MACROD2: variants seen among roughly 807,000 people sequenced by gnomAD.
MACROD2 encodes mono-ADP ribosylhydrolase 2, also known as ADP-ribose glycohydrolase MACROD2.
MACROD2 carries 36 observed loss-of-function variants against 70.4 expected under a neutral mutation model. That is an observed-to-expected ratio of 0.51 (90% CI 0.39 to 0.68). The LOEUF (loss-of-function observed/expected upper bound fraction) is 0.68, where lower values mean the gene tolerates loss of function less well. Among genes scored for constraint, MACROD2 ranks in the 30% least tolerant of loss-of-function variants. The pLI, the probability that MACROD2 is intolerant of heterozygous loss-of-function variation, is 0.00. For missense variants in MACROD2, 496 were observed against 538.4 expected (o/e 0.92, Z 0.78); for synonymous variants, 172 against 178.8 (o/e 0.96, Z 0.30).
chr20:15,557,746 G>C (rs1459757125), intron 8 of MACROD2, among the ~76,000 whole-genome samples: 1 of 152,160 alleles, frequency 6.6e-6, no homozygotes, highest in Non-Finnish European at 1.5e-5. Flanking sequence ...AGTACAGAAG[G>C]GGGAATTGGG....
chr20:15,098,903 A>C (rs772003058), intron 5 of MACROD2, among the ~76,000 whole-genome samples: 44 of 152,244 alleles, frequency 2.9e-4, no homozygotes, highest in Non-Finnish European at 5.4e-4. Flanking sequence ...TTCTCCGTAG[A>C]AAATTGCACT....
intron 4 of MACROD2, among the ~76,000 whole-genome samples, chr20:14,651,969 T>C (rs983626760): frequency 6.6e-6 from 1 of 152,126 alleles, no homozygotes; most frequent in Non-Finnish European, 1.5e-5. Flanking sequence ...CAAATCTTAC[T>C]GGAGTATCTA....
intron 8 of MACROD2, among the ~76,000 whole-genome samples, chr20:15,836,344 A>G (rs2147124107): frequency 6.6e-6 from 1 of 152,304 alleles, no homozygotes; most frequent in Middle Eastern, 3.4e-3. Context: ...CTCCTTCCTT[A>G]AAACCTTTAT....
At chr20:14,948,449 A>G (rs1235978109) in intron 5 of MACROD2, among the ~76,000 whole-genome samples, 1 of 152,188 alleles carries the variant, frequency 6.6e-6, no homozygotes, top group African/African-American at 2.4e-5. Flanking sequence ...ATTGTGACAG[A>G]CCACTGCTGA....
chr20:15,772,101 A>AAAAAAAAAAAAAAAAAATATATATATAT, intron 8 of MACROD2, among the ~76,000 whole-genome samples: 1 of 91,426 alleles, frequency 1.1e-5, no homozygotes, highest in East Asian at 5.1e-4. Flanking sequence ...AAAAAAAAAA[A>AAAAAAAAAAAAAAAAAATATATATATAT]ATATATATAT....
chr20:15,901,212 A>C (rs920560914), intron 10 of MACROD2, among the ~76,000 whole-genome samples: 1 of 151,968 alleles, frequency 6.6e-6, no homozygotes, highest in Non-Finnish European at 1.5e-5. Context: ...CACTAATTCC[A>C]GTCCCAAAGG....
chr20:14,477,268 T>A (rs945201634), intron 3 of MACROD2, among the ~76,000 whole-genome samples: 4 of 152,104 alleles, frequency 2.6e-5, no homozygotes, highest in Admixed American at 2.6e-4. Flanking sequence ...TTGGGATGAA[T>A]TAGAGTGGCT....
chr20:14,175,456 A>G (rs1003729006), intron 3 of MACROD2, among the ~76,000 whole-genome samples: 2 of 151,654 alleles, frequency 1.3e-5, no homozygotes, highest in Non-Finnish European at 2.9e-5. Flanking sequence ...GGAGGGAGGG[A>G]AAGTGTTCTG....
At chr20:14,501,560 AC>A (rs1428991859) in intron 4 of MACROD2, among the ~76,000 whole-genome samples, 8 of 151,724 alleles carry the variant, frequency 5.3e-5, no homozygotes, top group African/African-American at 1.9e-4. Flanking sequence ...TTTCCATTTT[AC>A]TTTTGATTTT....
intron 3 of MACROD2, among the ~76,000 whole-genome samples, chr20:14,142,153 T>G (rs1411742139): frequency 6.6e-6 from 1 of 152,172 alleles, no homozygotes; most frequent in East Asian, 1.9e-4. Context: ...TTAGTTTCCC[T>G]TTTTTTCCTA....
chr20:14,910,869 C>T (rs553499023), intron 5 of MACROD2, among the ~76,000 whole-genome samples: 84 of 152,192 alleles, frequency 5.5e-4, no homozygotes, highest in Admixed American at 2.0e-3. Context: ...TTCCCTAGAG[C>T]GAAGTCTTCT....
chr20:15,165,636 A>AT lies in MACROD2; in HGVS notation c.419-64303dup, dbSNP rs2076378648. 3.3e-5 allele frequency among the ~76,000 whole-genome samples: 5 copies of AT among 152,348 alleles called. No homozygotes were observed. In the South Asian group the frequency reaches 1.0e-3, roughly 32 times the overall value. ...TTCCCCAAACAAAGTGACACTTATT[A>AT]TGCGCAGGCAATTTCTACCAAACTT... On this transcript the variant is annotated intron_variant, in intron 5 of 17. Coordinates refer to ENST00000684519, the MANE Select transcript of MACROD2 (RefSeq NM_001351661.2).
At chr20:15,734,563 C>T (rs949493239) in intron 8 of MACROD2, among the ~76,000 whole-genome samples, 12 of 152,260 alleles carry the variant, frequency 7.9e-5, no homozygotes, top group East Asian at 3.9e-4. Flanking sequence ...AGATTCTGTG[C>T]GAGGTATCCA....
chr20:15,478,698 C>A (rs900555108), intron 7 of MACROD2, among the ~76,000 whole-genome samples: 7 of 152,142 alleles, frequency 4.6e-5, no homozygotes, highest in Non-Finnish European at 1.0e-4. Flanking sequence ...CAGAATGTGA[C>A]AGCCTGTGAA....
intron 3 of MACROD2, among the ~76,000 whole-genome samples, chr20:14,452,521 C>CT (rs952185562): frequency 6.6e-6 from 1 of 151,956 alleles, no homozygotes; most frequent in Non-Finnish European, 1.5e-5. Context: ...CAGTAACAGT[C>CT]TTATTATTAC....
At chr20:14,045,478 A>T (rs2148643619) in intron 2 of MACROD2, among the ~76,000 whole-genome samples, 1 of 152,362 alleles carries the variant, frequency 6.6e-6, no homozygotes, top group Admixed American at 6.5e-5. Flanking sequence ...TAGTTTAGGA[A>T]ACTGCAGACA....
chr20:15,583,705 A>G (rs1320828894), intron 8 of MACROD2, among the ~76,000 whole-genome samples: 1 of 152,032 alleles, frequency 6.6e-6, no homozygotes, highest in Non-Finnish European at 1.5e-5. Flanking sequence ...GTGCAGTGGC[A>G]TGATCTCAGC....
chr20:14,001,993 G>A (rs529791035), intron 1 of MACROD2, among the ~76,000 whole-genome samples: 3 of 152,282 alleles, frequency 2.0e-5, no homozygotes, highest in African/African-American at 7.2e-5. Context: ...CACTTATCCA[G>A]CATATCACCT....
At chr20:14,968,015 T>G (rs185764458) in intron 5 of MACROD2, among the ~76,000 whole-genome samples, 193 of 152,294 alleles carry the variant, frequency 1.3e-3, no homozygotes, top group African/African-American at 4.5e-3. Context: ...GCTCAGTGGT[T>G]TTCGACAACT....
Sources: gnomAD v4.1 joint callset for allele counts (sites outside exome capture counted in the v4.1 genomes callset) on GRCh38, gnomAD v4.1.1 for gene constraint, MANE v1.5 for transcripts, NCBI Gene and HGNC (gene_info 2026-07-23, HGNC 2026-07-21) for gene names.